Variants in PDE7B observed in about 807,000 individuals in gnomAD.
PDE7B encodes phosphodiesterase 7B.
A neutral mutation model predicts 56.2 loss-of-function variants in PDE7B; 29 were observed. The ratio of observed to expected loss-of-function variants is 0.52; its 90% confidence interval spans 0.38 to 0.70. The LOEUF is 0.70. Among genes scored for constraint, PDE7B ranks in the 30% least tolerant of loss-of-function variants. The pLI, the probability that PDE7B is intolerant of heterozygous loss-of-function variation, is 0.00. For missense variants in PDE7B, 490 were observed against 565.0 expected (o/e 0.87, Z 1.35); for synonymous variants, 197 against 196.9 (o/e 1.00, Z 0.00).
chr6:136,065,539 T>C (rs970564288), intron 2 of PDE7B, among the ~76,000 whole-genome samples: 1 of 152,186 alleles, frequency 6.6e-6, no homozygotes. Context: ...CTGCTTTAAC[T>C]TCAATTTCAG....
At chr6:135,976,218 A>C (rs1404865257) in intron 2 of PDE7B, among the ~76,000 whole-genome samples, 1 of 152,136 alleles carries the variant, frequency 6.6e-6, no homozygotes, top group East Asian at 1.9e-4. Context: ...TTTCAGATGA[A>C]TCCCTTCTGA....
At chr6:135,857,779 C>G (rs1775064241) in intron 1 of PDE7B, among the ~76,000 whole-genome samples, 1 of 151,992 alleles carries the variant, frequency 6.6e-6, no homozygotes, top group African/African-American at 2.4e-5. Flanking sequence ...GAATGAAGTA[C>G]CTCTACATGC....
At chr6:135,971,972 T>G (rs925588226) in intron 2 of PDE7B, among the ~76,000 whole-genome samples, 1 of 152,080 alleles carries the variant, frequency 6.6e-6, no homozygotes, top group South Asian at 2.1e-4. Context: ...CGGTGGCTCA[T>G]GCCTGTAATC....
rs3037775 is a variant in PDE7B, at chr6:135,924,617, C to CTTTTTT, written c.22-22827_22-22822dup. Among the ~76,000 whole-genome samples, 194 of 49,554 alleles carry CTTTTTT rather than the reference C, an allele frequency of 3.9e-3. 3 individuals are homozygous for CTTTTTT. The highest frequency in any genetic ancestry group is 0.01 in the African/African-American group (102 of 10,018). The allele number at this position is 49,554 out of a possible 152,430, so 32.5% of individuals were successfully genotyped here. ...TGAGTAGTGGAATCTCTCTCTCTCT[C>CTTTTTT]TTTTTTTTTTTTTTTTTTTTTTTTT... On this transcript the variant is annotated intron_variant, in intron 1 of 12. Transcript: ENST00000308191.
intron 8 of PDE7B, among the ~76,000 whole-genome samples, chr6:136,170,996 T>C (rs1166739587): frequency 1.8e-4 from 28 of 152,312 alleles, no homozygotes; most frequent in African/African-American, 6.3e-4. Flanking sequence ...TTATATGTTT[T>C]GTAAGATTAT....
intron 2 of PDE7B, among the ~76,000 whole-genome samples, chr6:136,002,086 T>C (rs9389354): frequency 0.3 from 45,197 of 152,074 alleles, 7,861 homozygotes; most frequent in East Asian, 0.45. Context: ...CAGAATTTCA[T>C]ATCCAGTGAA....
intron 11 of PDE7B, among the ~76,000 whole-genome samples, chr6:136,183,794 T>C (rs535287902): frequency 2.4e-4 from 36 of 152,080 alleles, no homozygotes; most frequent in Non-Finnish European, 4.7e-4. Flanking sequence ...TTCCACAGAC[T>C]ACTAACTGTC....
rs368902722 is a variant in PDE7B at position 136,173,931 on chromosome 6, A to G, written c.803+43A>G. On this transcript the variant is annotated intron_variant, in intron 9 of 12. Transcript: ENST00000308191. ...GAAACATACTGATGTGCATGCAGTA[A>G]AGATAAGCCACTTTCTCTAGGGCAG... The G allele has an allele frequency of 1.4e-3, 1,856 of 1,373,412 alleles. 13 individuals are homozygous for G. The highest frequency in any genetic ancestry group is 1.7e-3 in the Non-Finnish European group (1,673 of 961,402). 85.1% of individuals were successfully genotyped at this position (1,373,412 alleles called of 1,614,324 possible).
intron 2 of PDE7B, among the ~76,000 whole-genome samples, chr6:136,015,180 A>G (rs996050040): frequency 3.9e-5 from 6 of 152,220 alleles, no homozygotes; most frequent in Admixed American, 2.0e-4. Flanking sequence ...AGCCTGCAGA[A>G]TGAAGCCTGC....
Position 136,100,242 on chromosome 6 carries a change from G to T in PDE7B, c.83-8489G>T, listed in dbSNP as rs934387704. Among the ~76,000 whole-genome samples, 4 of 152,180 alleles carry T rather than the reference G, an allele frequency of 2.6e-5. No individual in the cohort carries two copies. The East Asian group carries it at 5.8e-4, about 22-fold the overall frequency. On this transcript the variant is annotated intron_variant, in intron 2 of 12. Transcript: ENST00000308191. ...AGCTTTGTTCTCTTTGCTTAGGATT[G>T]TCTTGGCTATGCAGGCTCCTTGTTG...
intron 1 of PDE7B, among the ~76,000 whole-genome samples, chr6:135,934,819 T>C (rs1235949229): frequency 9.2e-6 from 1 of 108,930 alleles, no homozygotes; most frequent in African/African-American, 3.9e-5. Flanking sequence ...ATTATATATA[T>C]ATTTAATAAA....
intron 2 of PDE7B, among the ~76,000 whole-genome samples, chr6:135,966,025 T>C (rs773820892): frequency 6.6e-6 from 1 of 152,188 alleles, no homozygotes; most frequent in African/African-American, 2.4e-5. Context: ...AAACAAGCAC[T>C]GAAAGGATAT....
intron 2 of PDE7B, among the ~76,000 whole-genome samples, chr6:136,058,882 A>G (rs921545223): frequency 1.5e-4 from 22 of 151,346 alleles, no homozygotes; most frequent in African/African-American, 4.7e-4. Context: ...ATTTGGGGGG[A>G]AAAAAGTGAT....
Position 136,191,062 on chromosome 6 carries a change from A to G in PDE7B, c.1127-552A>G, listed in dbSNP as rs189397598. Reference sequence around the variant, plus strand: ...TACTTATATGTCTTTCTCCCTCTGCAAGTAATAGCCAGTATTCACTGGGAG... The same window carrying G: ...TACTTATATGTCTTTCTCCCTCTGCGAGTAATAGCCAGTATTCACTGGGAG... On this transcript the variant is annotated intron_variant, in intron 12 of 12. Coordinates refer to ENST00000308191, the MANE Select transcript of PDE7B (RefSeq NM_018945.4). Among the ~76,000 whole-genome samples the G allele has an allele frequency of 4.6e-3, 607 of 131,330 alleles. 3 individuals carry two copies. The highest frequency in any genetic ancestry group is 0.02 in the African/African-American group (535 of 26,744). The allele number at this position is 131,330 out of a possible 152,430, so 86.2% of individuals were successfully genotyped here. A position where few individuals can be genotyped will look rare whatever the true frequency, so the allele number is the denominator to read the frequency against.
rs1220888924 is a variant in PDE7B, at chr6:136,113,740, G to A, written c.166+4926G>A. 2.0e-5 allele frequency among the ~76,000 whole-genome samples: 3 copies of A among 152,238 alleles called. No homozygotes were observed. In the East Asian group the frequency reaches 5.8e-4, roughly 29 times the overall value. Reference sequence around the variant, plus strand: ...GGGGGGAAACAAAGGAGGAAAAAATGTAGAGAAGAGTGTTCTGAGACTTGT... The same window carrying A: ...GGGGGGAAACAAAGGAGGAAAAAATATAGAGAAGAGTGTTCTGAGACTTGT... On this transcript the variant is annotated intron_variant, in intron 3 of 12. Coordinates refer to ENST00000308191, the MANE Select transcript of PDE7B (RefSeq NM_018945.4).
At chr6:136,097,411 A>G (rs1777486329) in intron 2 of PDE7B, among the ~76,000 whole-genome samples, 1 of 152,102 alleles carries the variant, frequency 6.6e-6, no homozygotes, top group Non-Finnish European at 1.5e-5. Flanking sequence ...CTCAGCCCTC[A>G]TATGAAATTT....
intron 2 of PDE7B, among the ~76,000 whole-genome samples, chr6:136,104,622 C>A (rs1484255615): frequency 6.6e-6 from 1 of 152,152 alleles, no homozygotes; most frequent in Admixed American, 6.5e-5. Context: ...TAGAAATATA[C>A]CATTAACACA....
rs141143137 is a variant in PDE7B, at chr6:136,082,156, G to C, written c.83-26575G>C. Among the ~76,000 whole-genome samples, 5 of 152,312 alleles carry C rather than the reference G, an allele frequency of 3.3e-5. No homozygotes were observed. In the East Asian group the frequency reaches 9.6e-4, roughly 29 times the overall value. ...GTGGTCCTGACGCATCCGTAATGTG[G>C]AATTGATGTCAATGGGAATTACACA... On this transcript the variant is annotated intron_variant, in intron 2 of 12. Transcript: ENST00000308191.
At chr6:136,006,981 T>C (rs1775796607) in intron 2 of PDE7B, among the ~76,000 whole-genome samples, 1 of 152,184 alleles carries the variant, frequency 6.6e-6, no homozygotes, top group Non-Finnish European at 1.5e-5. Context: ...ATTCTTGTCT[T>C]CTGTCAGTTT....
Sources: allele counts gnomAD v4.1 joint callset (sites outside exome capture counted in the v4.1 genomes callset), GRCh38; gene constraint gnomAD v4.1.1; transcripts MANE v1.5; gene names NCBI Gene and HGNC (gene_info 2026-07-23, HGNC 2026-07-21).